SYN3: variants seen among roughly 807,000 people sequenced by gnomAD.
The protein encoded by SYN3 is synapsin III.
A neutral mutation model predicts 65.8 loss-of-function variants in SYN3; 35 were observed. That is an observed-to-expected ratio of 0.53 (90% CI 0.41 to 0.70). The LOEUF is 0.70. SYN3 is among the 30% of genes least tolerant of loss of function. The pLI is 0.00. For missense variants in SYN3, 680 were observed against 749.0 expected, an observed-to-expected ratio of 0.91 and a Z score of 1.08; for synonymous variants, 270 against 292.9, an observed-to-expected ratio of 0.92 and a Z score of 0.80.
At chr22:32,576,614 G>A (rs1455573610) in intron 7 of SYN3, among the ~76,000 whole-genome samples, 3 of 152,134 alleles carry the variant, frequency 2.0e-5, no homozygotes. Flanking sequence ...ATGGAATCGT[G>A]ATAATCTTGA....
At chr22:32,803,200 TTGCCGCCCTC>T (rs2046637853) in intron 6 of SYN3, among the ~76,000 whole-genome samples, 1 of 151,966 alleles carries the variant, frequency 6.6e-6, no homozygotes, top group African/African-American at 2.4e-5. Flanking sequence ...TGGGACAGCC[TTGCCGCCCTC>T]TGCCTGTGTC....
chr22:32,934,062 T>G (rs906780176), intron 3 of SYN3, among the ~76,000 whole-genome samples: 1 of 152,164 alleles, frequency 6.6e-6, no homozygotes, highest in South Asian at 2.1e-4. Flanking sequence ...GGTTAGTAAA[T>G]AGTGGTAATG....
intron 6 of SYN3, among the ~76,000 whole-genome samples, chr22:32,662,874 T>G (rs534297276): frequency 8.5e-5 from 13 of 152,338 alleles, no homozygotes; most frequent in Non-Finnish European, 1.9e-4. Flanking sequence ...GTTTTAAAAT[T>G]GCCTTACAAA....
chr22:32,568,355 G>A (rs1003847410), intron 7 of SYN3, among the ~76,000 whole-genome samples: 1 of 152,158 alleles, frequency 6.6e-6, no homozygotes, highest in Non-Finnish European at 1.5e-5. Flanking sequence ...TTTATTGAGG[G>A]TACTGTGCTA....
At chr22:32,729,645 A>G (rs1386425924) in intron 6 of SYN3, among the ~76,000 whole-genome samples, 1 of 152,228 alleles carries the variant, frequency 6.6e-6, no homozygotes, top group Non-Finnish European at 1.5e-5. Flanking sequence ...CCATAATGAC[A>G]TCACTCTCAC....
At chr22:32,758,681 C>CATATACATATATATATATATATATATAT in intron 6 of SYN3, among the ~76,000 whole-genome samples, 1 of 33,088 alleles carries the variant, frequency 3.0e-5, no homozygotes, top group Non-Finnish European at 7.2e-5. Flanking sequence ...TTACTAAACT[C>CATATACATATATATATATATATATATAT]ATATATATAT....
At chr22:33,008,969 AG>A (rs1192096778) in intron 1 of SYN3, among the ~76,000 whole-genome samples, 68 of 142,088 alleles carry the variant, frequency 4.8e-4, no homozygotes, top group African/African-American at 1.5e-3. Context: ...AAAAAGAGAG[AG>A]AGAGAAAAGA....
At chr22:32,677,474 T>C (rs1716964282) in intron 6 of SYN3, among the ~76,000 whole-genome samples, 1 of 152,036 alleles carries the variant, frequency 6.6e-6, no homozygotes, top group African/African-American at 2.4e-5. Flanking sequence ...TTTGAAACCA[T>C]TGAAAGAAAC....
intron 6 of SYN3, among the ~76,000 whole-genome samples, chr22:32,620,789 G>A (rs545226614): frequency 6.6e-6 from 1 of 151,742 alleles, no homozygotes; most frequent in Admixed American, 6.6e-5. Flanking sequence ...GCACTATCTC[G>A]GCTCACTGCA....
chr22:32,851,154 A>G (rs910133289), intron 6 of SYN3, among the ~76,000 whole-genome samples: 1 of 152,170 alleles, frequency 6.6e-6, no homozygotes, highest in Non-Finnish European at 1.5e-5. Flanking sequence ...CAAAAAGCCC[A>G]CTTTGCAACC....
chr22:32,564,817 TACCCAAACAGTGCTCCCGGACTAC>T (rs2058640246), intron 7 of SYN3, among the ~76,000 whole-genome samples: 3 of 87,266 alleles, frequency 3.4e-5, no homozygotes, highest in Non-Finnish European at 6.9e-5. Flanking sequence ...TCCCGCATTG[TACCCAAACAGTGCTCCCGGACTAC>T]ACCCAAACAG....
At chr22:32,535,706 C>A (rs1447768514) in intron 9 of SYN3, among the ~76,000 whole-genome samples, 1 of 152,212 alleles carries the variant, frequency 6.6e-6, no homozygotes, top group African/African-American at 2.4e-5. Flanking sequence ...GCTGGCTACG[C>A]CCCATAGGGC....
At chr22:32,577,984 T>G (rs951106933) in intron 7 of SYN3, among the ~76,000 whole-genome samples, 1 of 152,262 alleles carries the variant, frequency 6.6e-6, no homozygotes, top group Non-Finnish European at 1.5e-5. Context: ...TTTCTTCATC[T>G]GCTTCCCTCC....
In SYN3 at chr22:32,686,280, T is replaced by C. The variant is rs886387081; in HGVS notation, c.712-89544A>G. 1.8e-4 allele frequency among the ~76,000 whole-genome samples: 27 copies of C among 152,178 alleles called. 1 individual carries two copies. The East Asian group carries it at 4.4e-3, about 25-fold the overall frequency. ...GGTGAGTGGAAGGGGATGAGGGTCC[T>C]GGAGCAGGAGGAGAGTCTGTATCCT... On this transcript the variant is annotated intron_variant, in intron 6 of 13. Coordinates refer to ENST00000358763, the MANE Select transcript of SYN3 (RefSeq NM_003490.4).
intron 1 of SYN3, among the ~76,000 whole-genome samples, chr22:33,027,855 T>C (rs2053665924): frequency 6.6e-6 from 1 of 152,204 alleles, no homozygotes; most frequent in Admixed American, 6.5e-5. Flanking sequence ...CTTCATTTCA[T>C]CAGTGAAGAG....
At chr22:32,948,601 G>A (rs2051186819) in intron 3 of SYN3, among the ~76,000 whole-genome samples, 1 of 152,064 alleles carries the variant, frequency 6.6e-6, no homozygotes, top group African/African-American at 2.4e-5. Flanking sequence ...GCCGGGCGTG[G>A]TGGCGGGTGC....
chr22:32,540,326 G>A (rs1233767744), intron 8 of SYN3, among the ~76,000 whole-genome samples: 1 of 152,192 alleles, frequency 6.6e-6, no homozygotes, highest in African/African-American at 2.4e-5. Context: ...TGTGGTTGTG[G>A]TTTGCCAACC....
chr22:32,725,721 A>G (rs2061181438), intron 6 of SYN3, among the ~76,000 whole-genome samples: 1 of 152,214 alleles, frequency 6.6e-6, no homozygotes, highest in South Asian at 2.1e-4. Flanking sequence ...GATCCTCCAG[A>G]AAGAACCAGC....
At chr22:33,053,420 G>T (rs977149871) in intron 1 of SYN3, among the ~76,000 whole-genome samples, 1 of 151,970 alleles carries the variant, frequency 6.6e-6, no homozygotes, top group African/African-American at 2.4e-5. Context: ...GCGAGACTCC[G>T]TTTCAAAAAA....
Sources: gnomAD v4.1 joint callset for allele counts (sites outside exome capture counted in the v4.1 genomes callset) on GRCh38, gnomAD v4.1.1 for gene constraint, MANE v1.5 for transcripts, NCBI Gene and HGNC (gene_info 2026-07-23, HGNC 2026-07-21) for gene names.